Variants in GRM8 observed in about 807,000 individuals in gnomAD.
GRM8 encodes metabotropic glutamate receptor 8.
A neutral mutation model predicts 87.2 loss-of-function variants in GRM8; 47 were observed. That is an observed-to-expected ratio of 0.54 (90% CI 0.43 to 0.69). The LOEUF (loss-of-function observed/expected upper bound fraction) is 0.69. Among genes scored for constraint, GRM8 ranks in the 30% least tolerant of loss-of-function variants. GRM8 has a pLI of 0.00. For synonymous variants in GRM8, 396 were observed against 404.5 expected, an observed-to-expected ratio of 0.98 and a Z score of 0.25; for missense variants, 1,019 against 1,139.2, an observed-to-expected ratio of 0.89 and a Z score of 1.52.
chr7:127,142,290 C>T (rs1444577883), intron 2 of GRM8, among the ~76,000 whole-genome samples: 1 of 152,078 alleles, frequency 6.6e-6, no homozygotes, highest in Non-Finnish European at 1.5e-5. Flanking sequence ...TACTAATTGA[C>T]TTATTTTACT....
intron 3 of GRM8, among the ~76,000 whole-genome samples, chr7:126,986,593 T>C (rs1000056778): frequency 6.6e-6 from 1 of 152,168 alleles, no homozygotes; most frequent in Non-Finnish European, 1.5e-5. Flanking sequence ...TCTTGAAAAA[T>C]GTTCAAAATT....
intron 3 of GRM8, among the ~76,000 whole-genome samples, chr7:127,060,365 A>T (rs1407104600): frequency 1.3e-5 from 2 of 152,136 alleles, no homozygotes; most frequent in Non-Finnish European, 2.9e-5. Flanking sequence ...AATGATACAA[A>T]GAAGAGTACT....
chr7:126,729,346 G>C (rs1407416315), intron 7 of GRM8, among the ~76,000 whole-genome samples: 1 of 152,152 alleles, frequency 6.6e-6, no homozygotes, highest in Non-Finnish European at 1.5e-5. Flanking sequence ...GAGCCAAGGA[G>C]TCAAAACTCC....
chr7:126,782,769 G>A (rs75389907), intron 6 of GRM8, among the ~76,000 whole-genome samples: 16,496 of 152,036 alleles, frequency 0.11, 1,324 homozygotes, highest in Non-Finnish European at 0.14. Flanking sequence ...GTGTATTATT[G>A]GACCACCCAA....
At chr7:126,525,476 G>A (rs1319483801) in intron 9 of GRM8, among the ~76,000 whole-genome samples, 1 of 152,136 alleles carries the variant, frequency 6.6e-6, no homozygotes, top group African/African-American at 2.4e-5. Flanking sequence ...GGGGAAGTGA[G>A]GAGCCCAGCT....
chr7:126,554,840 T>C (rs761618037), intron 8 of GRM8, among the ~76,000 whole-genome samples: 7 of 152,240 alleles, frequency 4.6e-5, no homozygotes, highest in Non-Finnish European at 8.8e-5. Flanking sequence ...ACTTTGTTTC[T>C]AATATATTAC....
chr7:126,737,835 T>C (rs1002819274), intron 7 of GRM8, among the ~76,000 whole-genome samples: 1 of 152,042 alleles, frequency 6.6e-6, no homozygotes, highest in African/African-American at 2.4e-5. Flanking sequence ...ACAAGTAACT[T>C]TGCAATTCAA....
chr7:126,970,522 C>T (rs573080073), intron 3 of GRM8, among the ~76,000 whole-genome samples: 17 of 150,154 alleles, frequency 1.1e-4, no homozygotes, highest in Non-Finnish European at 2.2e-4. Flanking sequence ...GGGCCTTGCT[C>T]TGGATTAGGT....
At chr7:127,045,556 T>G (rs773246569) in intron 3 of GRM8, among the ~76,000 whole-genome samples, 1 of 152,224 alleles carries the variant, frequency 6.6e-6, no homozygotes, top group Non-Finnish European at 1.5e-5. Flanking sequence ...CTCCTTTTTT[T>G]GCATTTGGTC....
chr7:126,479,691 A>G (rs1313542164), intron 9 of GRM8, among the ~76,000 whole-genome samples: 2 of 152,088 alleles, frequency 1.3e-5, no homozygotes, highest in East Asian at 3.9e-4. Context: ...ACATTAATGT[A>G]CGGATTTTTA....
In GRM8 at chr7:126,973,078, A is replaced by ATTGTATGCTG. The variant is rs577275597; in HGVS notation, c.728-68405_728-68396dup. On this transcript the variant is annotated intron_variant, in intron 3 of 10. Transcript: ENST00000339582. ...TGTCTTGTATTCCTATTGCAGGAGC[A>ATTGTATGCTG]TTGTATGCTGTACAACAGTGGTCTT... is the stretch of plus-strand genomic sequence containing the variant. Among the ~76,000 whole-genome samples the ATTGTATGCTG allele has an allele frequency of 3.0e-3, 457 of 152,312 alleles. 1 individual carries two copies. Among genetic ancestry groups the ATTGTATGCTG allele is most frequent in the African/African-American group, 0.011 (437 of 41,578 alleles).
At chr7:126,971,221 G>A (rs1249277145) in intron 3 of GRM8, among the ~76,000 whole-genome samples, 1 of 146,188 alleles carries the variant, frequency 6.8e-6, no homozygotes, top group Admixed American at 6.8e-5. Context: ...AGGTGAGCCT[G>A]TACATATAAA....
chr7:127,198,430 T>C (rs1478787212), intron 2 of GRM8, among the ~76,000 whole-genome samples: 2 of 152,176 alleles, frequency 1.3e-5, no homozygotes, highest in African/African-American at 4.8e-5. Flanking sequence ...TCCTATGAAA[T>C]GAAAATGACA....
At chr7:127,077,852 C>G (rs997277426) in intron 3 of GRM8, among the ~76,000 whole-genome samples, 1 of 152,200 alleles carries the variant, frequency 6.6e-6, no homozygotes, top group Non-Finnish European at 1.5e-5. Context: ...AGTAGCAACT[C>G]TCAACTGGAG....
intron 1 of GRM8, among the ~76,000 whole-genome samples, chr7:127,247,697 A>G (rs1243517888): frequency 6.6e-6 from 1 of 151,936 alleles, no homozygotes; most frequent in Non-Finnish European, 1.5e-5. Context: ...ATGTCCCCTC[A>G]CCCCTATGTG....
intron 7 of GRM8, among the ~76,000 whole-genome samples, chr7:126,718,599 A>C (rs920095669): frequency 3.9e-5 from 6 of 152,194 alleles, no homozygotes; most frequent in Non-Finnish European, 8.8e-5. Context: ...CTGAGAGTCA[A>C]AGGTAGATGT....
At chr7:126,532,809 A>ATATT (rs1815062242) in intron 9 of GRM8, 143 bp downstream of exon 9, 2 of 205,096 alleles carry the variant, frequency 9.8e-6, no homozygotes, top group Admixed American at 1.3e-4. Flanking sequence ...ATATATATAT[A>ATATT]TATATATGCA....
chr7:126,990,591 C>T (rs1445935939), intron 3 of GRM8, among the ~76,000 whole-genome samples: 1 of 152,164 alleles, frequency 6.6e-6, no homozygotes, highest in East Asian at 1.9e-4. Flanking sequence ...CCGTTACTTA[C>T]AGACAAATGC....
At chr7:126,980,650 T>G (rs1811428535) in intron 3 of GRM8, among the ~76,000 whole-genome samples, 1 of 152,188 alleles carries the variant, frequency 6.6e-6, no homozygotes. Flanking sequence ...TACAACAAAC[T>G]ACTAGGCATT....
Sources: allele counts gnomAD v4.1 joint callset (sites outside exome capture counted in the v4.1 genomes callset), GRCh38; gene constraint gnomAD v4.1.1; transcripts MANE v1.5; gene names NCBI Gene and HGNC (gene_info 2026-07-23, HGNC 2026-07-21).